MID1: variants seen among roughly 807,000 people sequenced by gnomAD.
MID1 encodes E3 ubiquitin-protein ligase Midline-1.
In MID1, 7 loss-of-function variants were observed where a neutral mutation model predicts 40.4. The observed-to-expected ratio is 0.17, with a 90% confidence interval of 0.10 to 0.33. MID1 has a LOEUF of 0.33. Among genes scored for constraint, MID1 ranks in the 10% least tolerant of loss-of-function variants. MID1 has a pLI of 1.00. For synonymous variants in MID1, 229 were observed against 221.2 expected (o/e 1.04, Z -0.31); for missense variants, 367 against 558.5 (o/e 0.66, Z 3.46).
intron 2 of MID1, among the ~76,000 whole-genome samples, chrX:10,543,265 T>C (rs1933545427): frequency 8.9e-6 from 1 of 112,070 alleles, no homozygotes; most frequent in African/African-American, 3.2e-5. Context: ...GCTAGAAAGG[T>C]GGGCTACAGT....
At chrX:10,661,935 TA>T (rs1180624713) in intron 1 of MID1, among the ~76,000 whole-genome samples, 1 of 112,541 alleles carries the variant, frequency 8.9e-6, no homozygotes. Flanking sequence ...TAGAAGTTAT[TA>T]AAACAGTATT....
chrX:10,716,445 T>C (rs1433319861), intron 1 of MID1, among the ~76,000 whole-genome samples: 1 of 111,575 alleles, frequency 9.0e-6, no homozygotes, highest in Admixed American at 9.5e-5. Context: ...AGGGTATCAG[T>C]GATGGAAGAT....
chrX:10,782,591 G>A (rs1220259574), intron 1 of MID1, among the ~76,000 whole-genome samples: 1 of 111,167 alleles, frequency 9.0e-6, no homozygotes, highest in African/African-American at 3.3e-5. Context: ...AGAGAAATAG[G>A]GAGTAGTCAT....
Position 10,493,923 on chromosome X carries a change from T to C in MID1, c.864+1661A>G, listed in dbSNP as rs773152522. 7.1e-5 allele frequency among the ~76,000 whole-genome samples: 8 copies of C among 112,422 alleles called. No homozygotes were observed. In the East Asian group the frequency reaches 2.2e-3, roughly 31 times the overall value. On this transcript the variant is annotated intron_variant, in intron 4 of 9. Transcript: ENST00000317552. ...TTCTGTATGCATATGAATAATTAATTGTGACTGTACTTCAGGTGGCCATGT... is the reference window on the plus strand; with the variant it reads ...TTCTGTATGCATATGAATAATTAATCGTGACTGTACTTCAGGTGGCCATGT...
chrX:10,465,214 T>TATATATATATACACACACACAC (rs1477864693), intron 7 of MID1, among the ~76,000 whole-genome samples: 4 of 39,900 alleles, frequency 1.0e-4, no homozygotes, highest in Non-Finnish European at 1.7e-4. Flanking sequence ...TATATATATA[T>TATATATATATACACACACACAC]ACACACACAC....
At chrX:10,607,755 T>C (rs960035238) in intron 1 of MID1, among the ~76,000 whole-genome samples, 45 of 112,527 alleles carry the variant, frequency 4.0e-4, no homozygotes, top group African/African-American at 1.1e-3. Flanking sequence ...AAGTTAGGTG[T>C]TGGGGCGTGC....
intron 1 of MID1, among the ~76,000 whole-genome samples, chrX:10,613,742 G>T (rs866885145): frequency 2.5e-3 from 180 of 72,674 alleles, no homozygotes; most frequent in Non-Finnish European, 3.0e-3. Context: ...TAGAGAGAGA[G>T]AGAGAGAGAG....
chrX:10,556,704 G>A (rs779889626), intron 2 of MID1, among the ~76,000 whole-genome samples: 5 of 112,019 alleles, frequency 4.5e-5, no homozygotes, highest in South Asian at 3.7e-4. Context: ...TTTTTGATGC[G>A]ACATGCAAAA....
Position 10,474,625 on chromosome X carries a change from G to T in MID1, c.1139C>A (p.Thr380Lys). 1 of 1,209,281 alleles carries T rather than the reference G, an allele frequency of 8.3e-7. No homozygotes were observed. ...KKLLECLDYL[T>K]APNPPTIREE... Reference sequence around the variant, plus strand: ...AAAGAGAACATAAAAGACAATACCTGTAAGGTAATCCAGACATTCTAGCAG... The same window carrying T: ...AAAGAGAACATAAAAGACAATACCTTTAAGGTAATCCAGACATTCTAGCAG... Residue 380 changes from threonine to lysine, a missense_variant and splice_region_variant, in exon 6 of 10, where the codon ACA becomes AAA. By Grantham distance (78) the Thr-to-Lys change is moderately conservative. This residue lies in a region of MID1 where 275 missense variants were observed against 383.1 expected (regional missense o/e 0.72). Transcript: ENST00000317552.
intron 1 of MID1, among the ~76,000 whole-genome samples, chrX:10,593,762 GACACAC>G (rs57390547): frequency 0.061 from 5,070 of 83,267 alleles, 253 homozygotes; most frequent in African/African-American, 0.17. Context: ...CTGTCCCTCT[GACACAC>G]ACACACACAC....
At chrX:10,813,055 A>G (rs150150547) in intron 1 of MID1, among the ~76,000 whole-genome samples, 3,459 of 110,966 alleles carry the variant, frequency 0.031, 147 homozygotes, top group African/African-American at 0.11. Context: ...TCATCCTATA[A>G]TTGGAAAATA....
intron 4 of MID1, among the ~76,000 whole-genome samples, chrX:10,485,523 T>C (rs1930569937): frequency 8.9e-6 from 1 of 111,747 alleles, no homozygotes; most frequent in Non-Finnish European, 1.9e-5. Flanking sequence ...GGAAGTGAGA[T>C]TACCACATTG....
At chrX:10,807,567 T>C (rs2044056826) in intron 1 of MID1, among the ~76,000 whole-genome samples, 2 of 111,950 alleles carry the variant, frequency 1.8e-5, no homozygotes, top group Non-Finnish European at 3.8e-5. Context: ...TCCTTGCTTC[T>C]GTTTGTGGAG....
intron 3 of MID1, among the ~76,000 whole-genome samples, chrX:10,499,877 AC>A (rs1931456056): frequency 8.9e-6 from 1 of 112,489 alleles, no homozygotes; most frequent in African/African-American, 3.2e-5. Context: ...TGTGTAATAT[AC>A]CCACATGGTG....
intron 2 of MID1, among the ~76,000 whole-genome samples, chrX:10,557,773 T>C (rs1377673437): frequency 2.7e-5 from 3 of 112,177 alleles, no homozygotes; most frequent in South Asian, 3.7e-4. Context: ...AGGAAAAGAA[T>C]CACATTTGTG....
intron 1 of MID1, among the ~76,000 whole-genome samples, chrX:10,631,832 A>T (rs1442823781): frequency 8.9e-6 from 1 of 112,165 alleles, no homozygotes. Flanking sequence ...CATCACAAGC[A>T]TGGAGACTTT....
At chrX:10,632,256 T>C (rs1294636609) in intron 1 of MID1, among the ~76,000 whole-genome samples, 1 of 111,711 alleles carries the variant, frequency 9.0e-6, no homozygotes, top group African/African-American at 3.3e-5. Context: ...AAAACAAACG[T>C]AAATGAGCTG....
At chrX:10,517,157 A>G (rs2147358535) in intron 3 of MID1, among the ~76,000 whole-genome samples, 1 of 111,412 alleles carries the variant, frequency 9.0e-6, no homozygotes, top group African/African-American at 3.3e-5. Context: ...GAAGGAATTC[A>G]TTGATTTAAT....
intron 3 of MID1, among the ~76,000 whole-genome samples, chrX:10,522,520 G>A (rs1047730166): frequency 5.4e-5 from 6 of 111,147 alleles, no homozygotes; most frequent in African/African-American, 2.0e-4. Flanking sequence ...TTTTTGAGAC[G>A]GAGTCTCCCT....
Sources: gnomAD v4.1 joint callset for allele counts (sites outside exome capture counted in the v4.1 genomes callset) on GRCh38, gnomAD v4.1.1 for gene constraint, gnomAD v4.1.1 regional missense constraint, MANE v1.5 for transcripts, NCBI Gene and HGNC (gene_info 2026-07-23, HGNC 2026-07-21) for gene names.